The following CSMD3 variants were observed in gnomAD, a reference collection of about 807,000 sequenced individuals.
CSMD3 encodes the protein CUB and Sushi multiple domains 3, also known as CUB and sushi domain-containing protein 3.
A neutral mutation model predicts 435.2 loss-of-function variants in CSMD3; 177 were observed. The observed-to-expected ratio is 0.41, with a 90% confidence interval of 0.36 to 0.46. CSMD3 has a LOEUF of 0.46. Ranked by LOEUF, CSMD3 falls within the 20% of genes least tolerant of loss-of-function variation. CSMD3 has a pLI of 0.34. For missense variants in CSMD3, 4,265 were observed against 4,504.6 expected (o/e 0.95, Z 1.52); for synonymous variants, 1,656 against 1,520.5 (o/e 1.09, Z -2.07).
intron 31 of CSMD3, among the ~76,000 whole-genome samples, chr8:112,473,348 A>G (rs941188319): frequency 1.3e-5 from 2 of 152,186 alleles, no homozygotes; most frequent in Admixed American, 6.5e-5. Flanking sequence ...CAGGGGATGC[A>G]TTAGGATTCA....
At chr8:113,312,241 A>G (rs971420408) in intron 2 of CSMD3, 1 of 152,104 alleles carries the variant, frequency 6.6e-6, no homozygotes, top group Non-Finnish European at 1.5e-5. Context: ...GCCTCATTTT[A>G]TCAGTTGTAA....
intron 3 of CSMD3, among the ~76,000 whole-genome samples, chr8:113,259,695 G>A (rs2093411565): frequency 6.6e-6 from 1 of 151,980 alleles, no homozygotes; most frequent in Non-Finnish European, 1.5e-5. Flanking sequence ...TAAAAAATGG[G>A]GCATCCTGGG....
chr8:113,279,346 G>A (rs1476288726), intron 2 of CSMD3, among the ~76,000 whole-genome samples: 2 of 150,076 alleles, frequency 1.3e-5, no homozygotes, highest in Non-Finnish European at 3.0e-5. Flanking sequence ...CACCCTGTTT[G>A]GCATCTGATT....
intron 38 of CSMD3, among the ~76,000 whole-genome samples, chr8:112,370,678 A>G (rs753676420): frequency 6.6e-6 from 1 of 152,172 alleles, no homozygotes; most frequent in African/African-American, 2.4e-5. Flanking sequence ...CCTGACCACC[A>G]TAACATCCTT....
intron 27 of CSMD3, among the ~76,000 whole-genome samples, chr8:112,544,816 G>A (rs1177910401): frequency 1.3e-5 from 2 of 152,132 alleles, no homozygotes; most frequent in African/African-American, 4.8e-5. Flanking sequence ...GTGGATATCA[G>A]CTTTCTTAAG....
At chr8:112,724,391 T>C (rs2076923076) in intron 13 of CSMD3, among the ~76,000 whole-genome samples, 1 of 151,982 alleles carries the variant, frequency 6.6e-6, no homozygotes, top group Non-Finnish European at 1.5e-5. Context: ...GATAAAGGAT[T>C]GAATTCCAGA....
At chr8:113,185,739 G>T (rs1564403754) in intron 3 of CSMD3, among the ~76,000 whole-genome samples, 1 of 152,010 alleles carries the variant, frequency 6.6e-6, no homozygotes, top group Non-Finnish European at 1.5e-5. Context: ...GTGCATGCAT[G>T]TGTGCATGCG....
intron 53 of CSMD3, among the ~76,000 whole-genome samples, chr8:112,301,038 T>C (rs895252825): frequency 6.6e-6 from 1 of 152,088 alleles, no homozygotes; most frequent in Admixed American, 6.6e-5. Context: ...GAATAATCAT[T>C]AGAAAAATTT....
chr8:112,605,475 A>T (rs930335916), intron 22 of CSMD3, among the ~76,000 whole-genome samples: 5 of 152,170 alleles, frequency 3.3e-5, no homozygotes, highest in Non-Finnish European at 7.3e-5. Flanking sequence ...TGTTCTCTGC[A>T]ACAACATGGA....
intron 10 of CSMD3, among the ~76,000 whole-genome samples, chr8:112,865,141 T>C (rs1233093999): frequency 6.6e-6 from 1 of 152,190 alleles, no homozygotes; most frequent in East Asian, 1.9e-4. Context: ...CAGTTAACCA[T>C]GCTTTGGAAA....
chr8:113,388,879 T>A (rs1211615942), intron 1 of CSMD3, among the ~76,000 whole-genome samples: 1 of 151,608 alleles, frequency 6.6e-6, no homozygotes, highest in Non-Finnish European at 1.5e-5. Context: ...AATACCTGCT[T>A]ATCATGAGCC....
chr8:112,769,612 G>A (rs946189729), intron 13 of CSMD3, among the ~76,000 whole-genome samples: 2 of 151,898 alleles, frequency 1.3e-5, no homozygotes, highest in African/African-American at 4.8e-5. Flanking sequence ...AACCTTCACT[G>A]GACATAATTG....
Position 113,173,748 on chromosome 8 carries a change from C to G in CSMD3, c.683G>C (p.Trp228Ser). The G allele has an allele frequency of 6.2e-7, 1 of 1,613,508 alleles. No homozygotes were observed. The highest frequency in any genetic ancestry group is 8.5e-7 in the Non-Finnish European group (1 of 1,179,554). The change falls in exon 4 of 71, where the codon TGG (tryptophan) becomes TCG (serine). Residue 228 changes from tryptophan to serine, a missense_variant. Trp to Ser is a radical substitution (Grantham distance 177). Transcript: ENST00000297405. ...TCTACAGATAGGAACAGGAAAATCC[C>G]ACGAAGCTGTATTAACTGAATTGGC... is the stretch of plus-strand genomic sequence containing the variant. ...CIANSVNTAS[W>S]DFPVPICRAE...
At chr8:112,981,233 T>C (rs1413536726) in intron 6 of CSMD3, among the ~76,000 whole-genome samples, 2 of 151,180 alleles carry the variant, frequency 1.3e-5, no homozygotes, top group Admixed American at 1.3e-4. Context: ...AATTATGAAA[T>C]GACAATGCAA....
chr8:113,068,314 G>A (rs2088951301), intron 5 of CSMD3, among the ~76,000 whole-genome samples: 1 of 152,062 alleles, frequency 6.6e-6, no homozygotes. Flanking sequence ...GGACCATAAT[G>A]AGCTTTTCAT....
At chr8:113,283,788 T>C (rs948546726) in intron 2 of CSMD3, among the ~76,000 whole-genome samples, 5 of 152,158 alleles carry the variant, frequency 3.3e-5, no homozygotes, top group African/African-American at 9.6e-5. Context: ...TGCATGTTTA[T>C]AGCAGCACAA....
At chr8:112,435,081 G>T (rs558689320) in intron 32 of CSMD3, among the ~76,000 whole-genome samples, 126 of 152,164 alleles carry the variant, frequency 8.3e-4, no homozygotes, top group African/African-American at 2.9e-3. Flanking sequence ...TAGCACTGAA[G>T]ATTTTGCAGG....
At chr8:112,726,654 A>C (rs1424722374) in intron 13 of CSMD3, among the ~76,000 whole-genome samples, 3 of 151,832 alleles carry the variant, frequency 2.0e-5, no homozygotes, top group South Asian at 4.1e-4. Flanking sequence ...AAGAGACATT[A>C]CTCATCCAAC....
chr8:112,696,850 A>G (rs2076268062), intron 13 of CSMD3, among the ~76,000 whole-genome samples: 1 of 152,148 alleles, frequency 6.6e-6, no homozygotes, highest in Non-Finnish European at 1.5e-5. Flanking sequence ...AATATCCAGA[A>G]TCTACAAAGA....
Sources: gnomAD v4.1 joint callset for allele counts (sites outside exome capture counted in the v4.1 genomes callset) on GRCh38, gnomAD v4.1.1 for gene constraint, MANE v1.5 for transcripts, NCBI Gene and HGNC (gene_info 2026-07-23, HGNC 2026-07-21) for gene names.